The following ADGRL3 variants were observed in gnomAD, a reference collection of about 807,000 sequenced individuals.
The protein encoded by ADGRL3 is calcium-independent alpha-latrotoxin receptor 3.
In ADGRL3, 62 loss-of-function variants were observed where a neutral mutation model predicts 153.5. The observed-to-expected ratio is 0.40, with a 90% CI of 0.33 to 0.50. The LOEUF is 0.50. Ranked by LOEUF, ADGRL3 falls within the 20% of genes least tolerant of loss-of-function variation. The pLI is 0.47. For missense variants in ADGRL3, 1,641 were observed against 1,859.4 expected (o/e 0.88, Z 2.16); for synonymous variants, 710 against 672.5 (o/e 1.06, Z -0.86).
chr4:61,571,568 A>G (rs1166345558), intron 4 of ADGRL3, among the ~76,000 whole-genome samples: 1 of 152,034 alleles, frequency 6.6e-6, no homozygotes. Context: ...GGCTGCATGG[A>G]GGCAAATAGT....
chr4:61,370,808 C>T (rs1303993790), intron 1 of ADGRL3, among the ~76,000 whole-genome samples: 2 of 152,096 alleles, frequency 1.3e-5, no homozygotes, highest in Non-Finnish European at 2.9e-5. Flanking sequence ...TCTCGTTGAT[C>T]TGTCTAATAT....
chr4:61,711,330 C>T (rs373464888), intron 6 of ADGRL3, among the ~76,000 whole-genome samples: 1 of 151,202 alleles, frequency 6.6e-6, no homozygotes, highest in Admixed American at 6.6e-5. Flanking sequence ...ATGTGGAAAT[C>T]CTGCACATAA....
chr4:61,397,024 G>A (rs1262389413), intron 2 of ADGRL3, among the ~76,000 whole-genome samples: 1 of 150,666 alleles, frequency 6.6e-6, no homozygotes. Context: ...TATTTTATTA[G>A]TTTTCTAATA....
At chr4:61,657,790 G>T (rs548892026) in intron 5 of ADGRL3, among the ~76,000 whole-genome samples, 1 of 152,178 alleles carries the variant, frequency 6.6e-6, no homozygotes, top group African/African-American at 2.4e-5. Flanking sequence ...AGACATATCT[G>T]TTAGAAAACC....
intron 1 of ADGRL3, among the ~76,000 whole-genome samples, chr4:61,369,527 T>A (rs1387663673): frequency 6.6e-6 from 1 of 152,164 alleles, no homozygotes; most frequent in Non-Finnish European, 1.5e-5. Flanking sequence ...TATGCTGGAT[T>A]ACATTTATTG....
At chr4:61,372,062 C>T (rs1014016696) in intron 1 of ADGRL3, among the ~76,000 whole-genome samples, 1 of 152,184 alleles carries the variant, frequency 6.6e-6, no homozygotes, top group South Asian at 2.1e-4. Context: ...AGTTCTCGAG[C>T]CTTGGTTTTC....
In ADGRL3 at chr4:61,414,468, T is replaced by C. The variant is rs573414899; in HGVS notation, c.-174+31279T>C. Among the ~76,000 whole-genome samples, 4 of 152,270 alleles carry C rather than the reference T, an allele frequency of 2.6e-5. No individual in the cohort carries two copies. The South Asian group carries it at 8.3e-4, about 32-fold the overall frequency. On this transcript the variant is annotated intron_variant, in intron 2 of 26. Coordinates refer to ENST00000683033, the MANE Select transcript of ADGRL3 (RefSeq NM_001387552.1). ...CTGTTGTTATTCCCAGAGAAAATTT[T>C]ATTATCTTAAATTTCTTTATTCTTC...
At chr4:61,313,009 G>T (rs1444802685) in intron 1 of ADGRL3, among the ~76,000 whole-genome samples, 1 of 152,088 alleles carries the variant, frequency 6.6e-6, no homozygotes, top group African/African-American at 2.4e-5. Flanking sequence ...GCAGACAGTG[G>T]TATATCCATA....
At chr4:61,553,810 T>C (rs1298797946) in intron 4 of ADGRL3, among the ~76,000 whole-genome samples, 1 of 152,196 alleles carries the variant, frequency 6.6e-6, no homozygotes, top group Non-Finnish European at 1.5e-5. Context: ...ACTTCTGAAC[T>C]AACTCCTACA....
intron 9 of ADGRL3, among the ~76,000 whole-genome samples, chr4:61,885,126 A>G (rs942810406): frequency 3.3e-5 from 5 of 151,890 alleles, no homozygotes; most frequent in Non-Finnish European, 5.9e-5. Flanking sequence ...AAAATACAAA[A>G]GTAGTCTGGC....
intron 4 of ADGRL3, among the ~76,000 whole-genome samples, chr4:61,573,130 T>C (rs536767703): frequency 6.6e-6 from 1 of 152,118 alleles, no homozygotes; most frequent in South Asian, 2.1e-4. Flanking sequence ...CTAAGCATAG[T>C]GTAAGGTATT....
At chr4:61,344,358 A>C (rs1462953253) in intron 1 of ADGRL3, among the ~76,000 whole-genome samples, 1 of 152,186 alleles carries the variant, frequency 6.6e-6, no homozygotes, top group African/African-American at 2.4e-5. Flanking sequence ...CAAGTTAAAC[A>C]GATGCACGCA....
In ADGRL3 at chr4:61,730,551, G is replaced by A. The variant is rs1435429697; in HGVS notation, c.584-71G>A. 5 of 366,428 alleles carry A rather than the reference G, an allele frequency of 1.4e-5. No individual in the cohort carries two copies. The East Asian group carries it at 2.0e-4, about 14-fold the overall frequency. The allele number at this position is 366,428 out of a possible 1,614,324, so 22.7% of individuals were successfully genotyped here. A position where few individuals can be genotyped will look rare whatever the true frequency, so the allele number is the denominator to read the frequency against. On this transcript the variant is annotated intron_variant, in intron 6 of 26. Coordinates refer to ENST00000683033, the MANE Select transcript of ADGRL3 (RefSeq NM_001387552.1). ...AGTTTGGAAGAGGTGAATAAAAAGT[G>A]CTTGGCCAATACCGTACCATTAATC...
chr4:61,450,235 A>C (rs2152515672), intron 2 of ADGRL3, among the ~76,000 whole-genome samples: 1 of 152,308 alleles, frequency 6.6e-6, no homozygotes. Flanking sequence ...CTCTACATTA[A>C]AGAAAACTGT....
chr4:61,838,625 A>G (rs1274594897), intron 9 of ADGRL3, among the ~76,000 whole-genome samples: 1 of 152,170 alleles, frequency 6.6e-6, no homozygotes, highest in African/African-American at 2.4e-5. Context: ...AACATCTTTG[A>G]CTAGAAAAAT....
chr4:61,939,897 T>C (rs2098873339), intron 15 of ADGRL3, among the ~76,000 whole-genome samples: 1 of 151,978 alleles, frequency 6.6e-6, no homozygotes, highest in South Asian at 2.1e-4. Flanking sequence ...AATAGTTTGT[T>C]CTTTATTGAT....
At chr4:61,556,212 G>A (rs1167316697) in intron 4 of ADGRL3, among the ~76,000 whole-genome samples, 2 of 152,150 alleles carry the variant, frequency 1.3e-5, no homozygotes, top group Non-Finnish European at 2.9e-5. Context: ...AGGTGGGGAA[G>A]AAAGAATGGG....
intron 19 of ADGRL3, among the ~76,000 whole-genome samples, chr4:61,985,375 T>C (rs1252306711): frequency 6.6e-6 from 1 of 152,112 alleles, no homozygotes. Flanking sequence ...GATGCTGATT[T>C]CTATTGAGTG....
At chr4:61,676,712 G>A in intron 5 of ADGRL3, 114 bp from the exon 6 acceptor site, 2 of 762,440 alleles carry the variant, frequency 2.6e-6, no homozygotes, top group South Asian at 1.6e-5. Context: ...CCCAAATTAA[G>A]CAAAACCTTA....
Sources: allele counts gnomAD v4.1 joint callset (sites outside exome capture counted in the v4.1 genomes callset), GRCh38; gene constraint gnomAD v4.1.1; transcripts MANE v1.5; gene names NCBI Gene and HGNC (gene_info 2026-07-23, HGNC 2026-07-21).